The following TOGARAM1 variants were observed in gnomAD, a reference collection of about 807,000 sequenced individuals.
TOGARAM1 encodes TOG array regulator of axonemal microtubules protein 1.
TOGARAM1 carries 100 observed loss-of-function variants against 166.6 expected under a neutral mutation model. The observed-to-expected ratio is 0.60, with a 90% CI of 0.51 to 0.71. TOGARAM1 has a LOEUF of 0.71. TOGARAM1 is among the 30% of genes least tolerant of loss of function. TOGARAM1 has a pLI of 0.00. For missense variants in TOGARAM1, 2,029 were observed against 2,102.7 expected, an observed-to-expected ratio of 0.96 and a Z score of 0.69; for synonymous variants, 758 against 763.8, an observed-to-expected ratio of 0.99 and a Z score of 0.13.
At chr14:45,047,003 C>T (rs1882097577) in intron 14 of TOGARAM1, among the ~76,000 whole-genome samples, 1 of 152,086 alleles carries the variant, frequency 6.6e-6, no homozygotes, top group Non-Finnish European at 1.5e-5. Context: ...GGCAGAAGAA[C>T]TTCATTATGG....
intron 17 of TOGARAM1, among the ~76,000 whole-genome samples, chr14:45,067,889 C>G (rs1883206426): frequency 6.6e-6 from 1 of 152,072 alleles, no homozygotes; most frequent in African/African-American, 2.4e-5. Context: ...GTTAAGGATT[C>G]TGAAGAGCAA....
At chr14:45,000,953 C>T (rs1209916889) in intron 3 of TOGARAM1, among the ~76,000 whole-genome samples, 3 of 152,078 alleles carry the variant, frequency 2.0e-5, no homozygotes, top group Non-Finnish European at 2.9e-5. Flanking sequence ...AGACTAGTCT[C>T]GATCTCCTGG....
chr14:45,026,016 A>C lies in TOGARAM1; in HGVS notation c.3328+144A>C, dbSNP rs61416111. The C allele has an allele frequency of 6.6e-3, 3,370 of 512,452 alleles. 105 individuals carry two copies. Among genetic ancestry groups the C allele is most frequent in the African/African-American group, 0.059 (3,017 of 51,012 alleles). 31.7% of individuals were successfully genotyped at this position (512,452 alleles called of 1,614,324 possible). A position where few individuals can be genotyped will look rare whatever the true frequency, so the allele number is the denominator to read the frequency against. On this transcript the variant is annotated intron_variant, in intron 8 of 19. Transcript: ENST00000361462. ...TGTATTACATTATCTTCATTAAAAT[A>C]ATTAGAAGTGAATACTTACCTTCAC... is the stretch of plus-strand genomic sequence containing the variant.
chr14:45,027,559 G>C, intron 9 of TOGARAM1, 85 bp downstream of exon 9: 1 of 1,064,356 alleles, frequency 9.4e-7, no homozygotes, highest in Non-Finnish European at 1.3e-6. Context: ...GGTGGTGAAA[G>C]TATTTCAATT....
chr14:45,034,782 A>G (rs1881339350), intron 11 of TOGARAM1, among the ~76,000 whole-genome samples: 1 of 152,216 alleles, frequency 6.6e-6, no homozygotes, highest in Non-Finnish European at 1.5e-5. Context: ...ATATCCCAGA[A>G]CAAAGCTGAA....
chr14:44,963,784 T>A lies in TOGARAM1; in HGVS notation c.1363T>A (p.Tyr455Asn), dbSNP rs1178418628. 1 of 1,613,914 alleles carries A rather than the reference T, an allele frequency of 6.2e-7. No individual in the cohort carries two copies. Among genetic ancestry groups the A allele is most frequent in the African/African-American group, 1.3e-5 (1 of 74,906 alleles). ...CAACAAGTTGGTGATCAAACAAGAA[T>A]ACATGAAAATCTTCCTCAAGCTAAT... ...ADNKLVIKQE[Y>N]MKIFLKLMKE... The change falls in exon 1 of 20, where the codon TAC (tyrosine) becomes AAC (asparagine). Residue 455 changes from tyrosine to asparagine, a missense_variant. This residue lies in a region of TOGARAM1 where 1,453 missense variants were observed against 1,432.2 expected (regional missense o/e 1.01). Transcript: ENST00000361462.
chr14:45,049,262 G>A (rs934495861), intron 14 of TOGARAM1, among the ~76,000 whole-genome samples: 19 of 151,420 alleles, frequency 1.3e-4, no homozygotes, highest in African/African-American at 4.4e-4. Context: ...CACAGAAAGC[G>A]CTCTGCTTTT....
Position 45,018,272 on chromosome 14 carries a change from G to A in TOGARAM1, c.3238+6197G>A, listed in dbSNP as rs570478519. On this transcript the variant is annotated intron_variant, in intron 7 of 19. Transcript: ENST00000361462. ...TTTTTTTCTTTTTTGAAACAGTCTC[G>A]TCTGTTGCTCAGGCTAGAGAGCAGT... Among the ~76,000 whole-genome samples, 12 of 151,260 alleles carry A rather than the reference G, an allele frequency of 7.9e-5. No homozygotes were observed. In the South Asian group the frequency reaches 8.3e-4, roughly 10 times the overall value.
intron 1 of TOGARAM1, among the ~76,000 whole-genome samples, chr14:44,969,159 T>C (rs1267353238): frequency 7.5e-6 from 1 of 132,822 alleles, no homozygotes; most frequent in African/African-American, 3.5e-5. Flanking sequence ...TCTTTCTTTC[T>C]TTTCTTTCTT....
intron 16 of TOGARAM1, among the ~76,000 whole-genome samples, chr14:45,057,194 C>T (rs1472621892): frequency 6.6e-6 from 1 of 152,008 alleles, no homozygotes; most frequent in Non-Finnish European, 1.5e-5. Flanking sequence ...CCTAATGTCT[C>T]CTTTCTGATT....
At chr14:44,993,176 T>C (rs1887237786) in intron 1 of TOGARAM1, among the ~76,000 whole-genome samples, 1 of 151,948 alleles carries the variant, frequency 6.6e-6, no homozygotes, top group Admixed American at 6.6e-5. Flanking sequence ...TAGTCCCAGC[T>C]ACTTGGGAGG....
At chr14:44,995,608 T>C in intron 1 of TOGARAM1, 138 bp from the exon 2 acceptor site, 1 of 685,106 alleles carries the variant, frequency 1.5e-6, no homozygotes, top group Non-Finnish European at 2.6e-6. Flanking sequence ...ATATGGATGT[T>C]TATCTGTATC....
intron 1 of TOGARAM1, among the ~76,000 whole-genome samples, chr14:44,979,450 G>A (rs908195375): frequency 2.6e-5 from 4 of 152,086 alleles, no homozygotes; most frequent in African/African-American, 7.2e-5. Context: ...CATACTTGAG[G>A]GTGGAGCCCT....
chr14:44,971,285 A>G (rs1445535340), intron 1 of TOGARAM1, among the ~76,000 whole-genome samples: 2 of 152,168 alleles, frequency 1.3e-5, no homozygotes, highest in Non-Finnish European at 2.9e-5. Context: ...GTTTTTACAC[A>G]TTGTGTCTTT....
intron 11 of TOGARAM1, among the ~76,000 whole-genome samples, chr14:45,040,771 G>A (rs1214911617): frequency 6.6e-6 from 1 of 152,244 alleles, no homozygotes; most frequent in African/African-American, 2.4e-5. Flanking sequence ...GGGCATGGTG[G>A]CTCATGCCTG....
intron 7 of TOGARAM1, among the ~76,000 whole-genome samples, chr14:45,018,398 C>T (rs912216304): frequency 1.3e-5 from 2 of 152,030 alleles, no homozygotes; most frequent in Non-Finnish European, 2.9e-5. Flanking sequence ...TGCCACCACG[C>T]CTGGGTAATT....
In TOGARAM1 at chr14:44,963,842, T is replaced by C; in HGVS notation, c.1421T>C (p.Leu474Ser). Residue 474 changes from leucine to serine, a missense_variant, in exon 1 of 20, where the codon TTA (leucine) becomes TCA (serine). Coordinates refer to ENST00000361462, the MANE Select transcript of TOGARAM1 (RefSeq NM_001308120.2). ...KEVGPQQVLC[L>S]LLEHLKHKHS... Reference sequence around the variant, plus strand: ...GTAGGACCTCAGCAGGTGCTTTGTTTACTCCTGGAACATCTCAAACATAAG... The same window carrying C: ...GTAGGACCTCAGCAGGTGCTTTGTTCACTCCTGGAACATCTCAAACATAAG... 1 of 1,614,192 alleles carries C rather than the reference T, an allele frequency of 6.2e-7. No individual in the cohort carries two copies. Among genetic ancestry groups the C allele is most frequent in the East Asian group, 2.2e-5 (1 of 44,886 alleles).
chr14:45,008,925 C>T lies in TOGARAM1; in HGVS notation c.2917C>T (p.Leu973Phe). The T allele has an allele frequency of 6.2e-7, 1 of 1,613,410 alleles. No individual in the cohort carries two copies. Among genetic ancestry groups the T allele is most frequent in the Non-Finnish European group, 8.5e-7 (1 of 1,179,612 alleles). ...CATTTTTTCTTAGATGCATAGCTCT[C>T]TTAGGTCCCTTCGTAATAGTGCAGC... is the stretch of plus-strand genomic sequence containing the variant. ...DLDQEEMHSS[L>F]RSLRNSAAKK... Residue 973 changes from leucine to phenylalanine, a missense_variant, in exon 6 of 20, where the codon CTT becomes TTT. Physicochemically the swap from Leu to Phe is conservative, Grantham distance 22 (BLOSUM62 0). Coordinates refer to ENST00000361462, the MANE Select transcript of TOGARAM1 (RefSeq NM_001308120.2).
In TOGARAM1 at chr14:45,043,708, A is replaced by T; in HGVS notation, c.3835A>T (p.Asn1279Tyr). The change falls in exon 12 of 20, where the codon AAT (asparagine) becomes TAT (tyrosine). Residue 1279 changes from asparagine (N) to tyrosine (Y), a missense_variant. Around this residue, in one of 2 missense-constraint regions of TOGARAM1, gnomAD observed 576 missense variants for 670.5 expected, o/e 0.86. Transcript: ENST00000361462. ...EDWEKKIEGL[N>Y]FIRCLAAFHS... ...TAGGGAGAAGAAAATTGAGGGACTG[A>T]ATTTTATTAGATGCTTAGCTGCTTT... is the stretch of plus-strand genomic sequence containing the variant. 1 of 1,611,226 alleles carries T rather than the reference A, an allele frequency of 6.2e-7. No homozygotes were observed. Among genetic ancestry groups the T allele is most frequent in the Non-Finnish European group, 8.5e-7 (1 of 1,177,484 alleles).
Sources: gnomAD v4.1 joint callset for allele counts (sites outside exome capture counted in the v4.1 genomes callset) on GRCh38, gnomAD v4.1.1 for gene constraint, gnomAD v4.1.1 regional missense constraint, MANE v1.5 for transcripts, NCBI Gene and HGNC (gene_info 2026-07-23, HGNC 2026-07-21) for gene names.